Variants in TSPAN1 observed in about 807,000 individuals in gnomAD.
TSPAN1 encodes tetraspanin 1, also known as tetraspanin-1.
A neutral mutation model predicts 26.9 loss-of-function variants in TSPAN1; 23 were observed. That is an observed-to-expected ratio of 0.85 (90% confidence interval 0.62 to 1.21). The LOEUF (loss-of-function observed/expected upper bound fraction) is 1.21. TSPAN1 is among the 50% of genes most tolerant of loss of function. TSPAN1 has a pLI of 0.00. For synonymous variants in TSPAN1, 115 were observed against 114.8 expected, an observed-to-expected ratio of 1.00 and a Z score of -0.01; for missense variants, 283 against 298.4, an observed-to-expected ratio of 0.95 and a Z score of 0.38.
At chr1:46,193,428 T>G in the TSPAN1 span, 1 of 1,606,204 alleles carries the variant, frequency 6.2e-7, no homozygotes, top group East Asian at 2.2e-5. Flanking sequence ...GAGGTCACTT[T>G]CCCTCTGCCC....
intron 4 of TSPAN1, 39 bp downstream of exon 4, chr1:46,184,436 T>TC (rs1215525088): frequency 6.2e-7 from 1 of 1,612,294 alleles, no homozygotes. Flanking sequence ...TGACCAAGAG[T>TC]CCCCTCGCCC....
At chr1:46,178,574 C>A (rs1013037576) in intron 1 of TSPAN1, among the ~76,000 whole-genome samples, 1 of 152,078 alleles carries the variant, frequency 6.6e-6, no homozygotes, top group South Asian at 2.1e-4. Flanking sequence ...TAAAATATGA[C>A]CTTGCTTCCA....
In TSPAN1 at chr1:46,185,646, G is replaced by C; in HGVS notation, c.*113G>C. 1 of 1,224,332 alleles carries C rather than the reference G, an allele frequency of 8.2e-7. No homozygotes were observed. 75.8% of individuals were successfully genotyped at this position (1,224,332 alleles called of 1,614,324 possible). A position where few individuals can be genotyped will look rare whatever the true frequency, so the allele number is the denominator to read the frequency against. ...GGATCTAACAATGTCACTTGGGCCA[G>C]AATGGACCTGCCCTTTCTGCTCCAG... On this transcript the variant is annotated 3_prime_UTR_variant, in exon 9 of 9. Transcript: ENST00000372003.
chr1:46,189,080 AGACTTTTAACTCAG>A, downstream of TSPAN1: 1 of 1,514,866 alleles, frequency 6.6e-7, no homozygotes, highest in Non-Finnish European at 8.8e-7. Flanking sequence ...GTAAATAAAT[AGACTTTTAACTCAG>A]GAACGGGGTG....
At chr1:46,187,242 C>G (rs542053338), downstream of TSPAN1, among the ~76,000 whole-genome samples, 6 of 152,322 alleles carry the variant, frequency 3.9e-5, no homozygotes, top group South Asian at 1.2e-3. Flanking sequence ...GCCCAGAACT[C>G]CAGCACCTGG....
chr1:46,189,527 C>T (rs371741722), downstream of TSPAN1: 61 of 1,613,146 alleles, frequency 3.8e-5, no homozygotes, highest in African/African-American at 1.6e-4. Flanking sequence ...CCACAGGCCC[C>T]GATGGTTGCC....
chr1:46,188,020 C>A (rs1463979533), downstream of TSPAN1, among the ~76,000 whole-genome samples: 1 of 152,156 alleles, frequency 6.6e-6, no homozygotes, highest in East Asian at 1.9e-4. Flanking sequence ...CTTTTCCCTG[C>A]CGTAGGCTTT....
In TSPAN1 at chr1:46,184,173, T is replaced by C; in HGVS notation, c.58-18T>C. The C allele has an allele frequency of 6.2e-7, 1 of 1,613,964 alleles. No homozygotes were observed. Among genetic ancestry groups the C allele is most frequent in the Non-Finnish European group, 8.5e-7 (1 of 1,179,844 alleles). On this transcript the variant is annotated intron_variant, in intron 3 of 8. Transcript: ENST00000372003. ...TTGCCAGCACTGTTTAAGGCCTGCC[T>C]GACCTCTCTCTCCCCAGCTGTGTGG... is the stretch of plus-strand genomic sequence containing the variant.
At position 46,182,303 on chromosome 1, in the gene TSPAN1, G is replaced by GAAAAAAAAAAAAAAAAAAAAAAA. The variant is rs1557664937; in HGVS notation, c.57+1139_57+1140insAAAAAAAAAAAAAAAAAAAAAAA. ...GGGAAACCCAATTTATTAGGGATAA[G>GAAAAAAAAAAAAAAAAAAAAAAA]CAAAAAAAAAAAAAGCCACTGTGAA... On this transcript the variant is annotated intron_variant, in intron 3 of 8. Coordinates refer to ENST00000372003, the MANE Select transcript of TSPAN1 (RefSeq NM_005727.4). Among the ~76,000 whole-genome samples the GAAAAAAAAAAAAAAAAAAAAAAA allele has an allele frequency of 1.7e-3, 4 of 2,414 alleles. No homozygotes were observed. In the Non-Finnish European group the frequency reaches 0.03, roughly 18 times the overall value. 1.6% of individuals were successfully genotyped at this position (2,414 alleles called of 152,430 possible). A position where few individuals can be genotyped will look rare whatever the true frequency, so the allele number is the denominator to read the frequency against.
intron 3 of TSPAN1, among the ~76,000 whole-genome samples, chr1:46,182,794 T>TTTGTTGTTG (rs113298952): frequency 7.9e-5 from 12 of 150,950 alleles, no homozygotes; most frequent in African/African-American, 3.0e-4. Flanking sequence ...AACTTGTGTT[T>TTTGTTGTTG]TTGTTGTTGT....
chr1:46,178,434 A>G (rs922276735), intron 1 of TSPAN1, among the ~76,000 whole-genome samples: 12 of 148,470 alleles, frequency 8.1e-5, no homozygotes, highest in African/African-American at 2.7e-4. Flanking sequence ...CTGCTCCTCA[A>G]ATGCCCCCTT....
At chr1:46,176,852 A>T (rs1657186001) in intron 1 of TSPAN1, among the ~76,000 whole-genome samples, 1 of 152,250 alleles carries the variant, frequency 6.6e-6, no homozygotes, top group Admixed American at 6.5e-5. Context: ...AGGATATGCC[A>T]TCATTATACC....
At chr1:46,191,776 A>T in the TSPAN1 span, 1 of 359,552 alleles carries the variant, frequency 2.8e-6, no homozygotes, top group Non-Finnish European at 5.4e-6. Flanking sequence ...CTGGGACTAC[A>T]GGCGCCCATC....
downstream of TSPAN1, chr1:46,189,379 G>A (rs770875928): frequency 2.5e-6 from 4 of 1,614,066 alleles, no homozygotes; most frequent in Admixed American, 3.3e-5. Context: ...ATACAAGAAT[G>A]TATAGAGAAG....
chr1:46,187,505 A>G (rs1657459961), downstream of TSPAN1, among the ~76,000 whole-genome samples: 1 of 152,152 alleles, frequency 6.6e-6, no homozygotes, highest in Non-Finnish European at 1.5e-5. Flanking sequence ...TGCTGAGCCC[A>G]GAAAGGAAGA....
At chr1:46,195,687 G>T in the TSPAN1 span, 2 of 898,394 alleles carry the variant, frequency 2.2e-6, no homozygotes, top group Non-Finnish European at 3.6e-6. Flanking sequence ...GGCTGAGATT[G>T]GAACCTGAGT....
chr1:46,192,577 A>T, the TSPAN1 span: 1 of 1,613,960 alleles, frequency 6.2e-7, no homozygotes, highest in African/African-American at 1.3e-5. Flanking sequence ...AGGTGGATGG[A>T]TTGGCTCAGG....
chr1:46,190,328 G>A, downstream of TSPAN1: 5 of 1,110,212 alleles, frequency 4.5e-6, no homozygotes, highest in South Asian at 3.7e-5. Flanking sequence ...ACAGGCGTGA[G>A]CCACCGCGCC....
chr1:46,176,945 A>G (rs1471955770), intron 1 of TSPAN1, among the ~76,000 whole-genome samples: 1 of 152,232 alleles, frequency 6.6e-6, no homozygotes, highest in East Asian at 1.9e-4. Context: ...CAAAGGGTAA[A>G]TGCAAGGTTA....
Sources: allele counts gnomAD v4.1 joint callset (sites outside exome capture counted in the v4.1 genomes callset), GRCh38; gene constraint gnomAD v4.1.1; transcripts MANE v1.5; gene names NCBI Gene and HGNC (gene_info 2026-07-23, HGNC 2026-07-21).